MAP2: variants seen among roughly 807,000 people sequenced by gnomAD.
MAP2 encodes the protein microtubule-associated protein 2.
A neutral mutation model predicts 137.6 loss-of-function variants in MAP2; 14 were observed. The ratio of observed to expected loss-of-function variants is 0.10; its 90% CI spans 0.07 to 0.16. The LOEUF (loss-of-function observed/expected upper bound fraction) is 0.16. Among genes scored for constraint, MAP2 ranks in the 10% least tolerant of loss-of-function variants. MAP2 has a pLI of 1.00. For missense variants in MAP2, 2,088 were observed against 2,191.5 expected, an observed-to-expected ratio of 0.95 and a Z score of 0.94; for synonymous variants, 786 against 782.3, an observed-to-expected ratio of 1.00 and a Z score of -0.08.
chr2:209,681,664 G>C (rs1199210183), intron 7 of MAP2, among the ~76,000 whole-genome samples: 1 of 151,972 alleles, frequency 6.6e-6, no homozygotes, highest in African/African-American at 2.4e-5. Flanking sequence ...ACATTACTTA[G>C]TTTTCATATA....
chr2:209,596,974 A>G (rs1273992666), intron 3 of MAP2, among the ~76,000 whole-genome samples: 1 of 152,192 alleles, frequency 6.6e-6, no homozygotes, highest in African/African-American at 2.4e-5. Context: ...GGCCATTCAG[A>G]AAAAGATCCA....
chr2:209,445,061 T>G (rs1698739035), intron 1 of MAP2, among the ~76,000 whole-genome samples: 1 of 151,554 alleles, frequency 6.6e-6, no homozygotes, highest in African/African-American at 2.4e-5. Flanking sequence ...GTAATTCTCT[T>G]GAAATTAAAA....
chr2:209,631,444 A>C (rs930710506), intron 4 of MAP2, among the ~76,000 whole-genome samples: 1 of 152,122 alleles, frequency 6.6e-6, no homozygotes, highest in Non-Finnish European at 1.5e-5. Context: ...GATATGAGGA[A>C]CTTTGCAGGC....
chr2:209,486,741 G>A (rs1163068791), intron 1 of MAP2, among the ~76,000 whole-genome samples: 2 of 152,066 alleles, frequency 1.3e-5, no homozygotes, highest in African/African-American at 4.8e-5. Context: ...TGAATTATAG[G>A]GGAAAATGTA....
In MAP2 at chr2:209,518,547, G is replaced by C. The variant is rs147793344; in HGVS notation, c.-172+10906G>C. 1.2e-4 allele frequency among the ~76,000 whole-genome samples: 19 copies of C among 152,066 alleles called. No homozygotes were observed. The East Asian group carries it at 2.3e-3, about 19-fold the overall frequency. ...AGAGGGTGCGGGACAGTTTTACTTT[G>C]GATCTGTATTCTGCCTCTTCTTTTC... On this transcript the variant is annotated intron_variant, in intron 2 of 15. Transcript: ENST00000682079.
intron 2 of MAP2, among the ~76,000 whole-genome samples, chr2:209,535,559 T>C (rs894976856): frequency 7.3e-6 from 1 of 137,710 alleles, no homozygotes. Flanking sequence ...GCAAAGTGTC[T>C]TTTTTTTTTT....
chr2:209,634,002 T>C (rs1178671089), intron 4 of MAP2, among the ~76,000 whole-genome samples: 5 of 152,284 alleles, frequency 3.3e-5, no homozygotes, highest in South Asian at 2.1e-4. Flanking sequence ...TGTCTGCACA[T>C]TGGCCAGAAA....
At chr2:209,630,303 G>A (rs116450568) in intron 4 of MAP2, among the ~76,000 whole-genome samples, 3,277 of 152,054 alleles carry the variant, frequency 0.022, 36 homozygotes, top group Non-Finnish European at 0.034. Context: ...TCCTCAGCCC[G>A]ATCCCTCTGT....
intron 2 of MAP2, among the ~76,000 whole-genome samples, chr2:209,564,330 A>G (rs987884621): frequency 3.3e-5 from 5 of 152,294 alleles, no homozygotes; most frequent in African/African-American, 1.2e-4. Flanking sequence ...TTTTGTATGT[A>G]CAAGAGGCAA....
intron 4 of MAP2, among the ~76,000 whole-genome samples, chr2:209,627,900 A>G (rs1299322569): frequency 1.3e-5 from 2 of 152,178 alleles, no homozygotes; most frequent in Admixed American, 1.3e-4. Flanking sequence ...AATTCAATTA[A>G]ACTGGATAGG....
intron 1 of MAP2, among the ~76,000 whole-genome samples, chr2:209,481,298 A>G (rs1708698636): frequency 6.6e-6 from 1 of 152,196 alleles, no homozygotes; most frequent in African/African-American, 2.4e-5. Flanking sequence ...TTGGGTGAAG[A>G]TGGTTCAGCC....
In MAP2 at chr2:209,631,518, A is replaced by G. The variant is rs922494990; in HGVS notation, c.-30+6389A>G. ...TGAGGAGGTGAATGGCCATTTTCCCACAAGTGGTATGTTTGGCCGGTTCCC... is the reference window on the plus strand; with the variant it reads ...TGAGGAGGTGAATGGCCATTTTCCCGCAAGTGGTATGTTTGGCCGGTTCCC... On this transcript the variant is annotated intron_variant, in intron 4 of 15. Coordinates refer to ENST00000682079, the MANE Select transcript of MAP2 (RefSeq NM_001375505.1). Among the ~76,000 whole-genome samples, 3 of 151,954 alleles carry G rather than the reference A, an allele frequency of 2.0e-5. No homozygotes were observed. The South Asian group carries it at 6.2e-4, about 32-fold the overall frequency.
chr2:209,523,622 C>G (rs946046527), intron 2 of MAP2, among the ~76,000 whole-genome samples: 5 of 152,152 alleles, frequency 3.3e-5, no homozygotes, highest in Non-Finnish European at 7.3e-5. Context: ...ATTCAGCAGT[C>G]AAACTGCAAT....
chr2:209,638,437 G>A, intron 4 of MAP2, among the ~76,000 whole-genome samples: 1 of 152,062 alleles, frequency 6.6e-6, no homozygotes, highest in Non-Finnish European at 1.5e-5. Context: ...GCTGCAGTGG[G>A]CACAGCACAA....
intron 2 of MAP2, among the ~76,000 whole-genome samples, chr2:209,508,011 A>G (rs998877835): frequency 6.6e-6 from 1 of 152,102 alleles, no homozygotes; most frequent in East Asian, 1.9e-4. Context: ...GCAGGAAAAC[A>G]CTTTGAATTC....
intron 5 of MAP2, among the ~76,000 whole-genome samples, chr2:209,676,985 C>T (rs1422982252): frequency 1.3e-5 from 2 of 151,302 alleles, no homozygotes; most frequent in Admixed American, 1.3e-4. Flanking sequence ...ATGATCTTTA[C>T]AGCTAATTTA....
rs1286756826 is a variant in MAP2 at position 209,572,418 on chromosome 2, T to A, written c.-171-7618T>A. The stretch of plus-strand genomic sequence containing the variant: ...ATACTAAATATTTTGTTTAAATATT[T>A]CTTACTGGGTTTTATGTATAAGGCA... On this transcript the variant is annotated intron_variant, in intron 2 of 15. Coordinates refer to ENST00000682079, the MANE Select transcript of MAP2 (RefSeq NM_001375505.1). Among the ~76,000 whole-genome samples the A allele has an allele frequency of 2.6e-5, 4 of 152,152 alleles. No homozygotes were observed. The East Asian group carries it at 7.7e-4, about 29-fold the overall frequency.
At chr2:209,465,358 G>A (rs1046211238) in intron 1 of MAP2, among the ~76,000 whole-genome samples, 3 of 152,092 alleles carry the variant, frequency 2.0e-5, no homozygotes, top group Non-Finnish European at 4.4e-5. Context: ...TCATTGGAGT[G>A]AGTAATATAA....
At chr2:209,596,992 A>G (rs1187142560) in intron 3 of MAP2, among the ~76,000 whole-genome samples, 2 of 152,206 alleles carry the variant, frequency 1.3e-5, no homozygotes, top group Non-Finnish European at 2.9e-5. Context: ...CCAGAATTTC[A>G]GCCTCTTTTG....
Sources: allele counts gnomAD v4.1 joint callset (sites outside exome capture counted in the v4.1 genomes callset), GRCh38; gene constraint gnomAD v4.1.1; transcripts MANE v1.5; gene names NCBI Gene and HGNC (gene_info 2026-07-23, HGNC 2026-07-21).